PDE6H: variants seen among roughly 807,000 people sequenced by gnomAD.
PDE6H encodes the protein retinal cone rhodopsin-sensitive cGMP 3',5'-cyclic phosphodiesterase subunit gamma.
PDE6H carries 11 observed loss-of-function variants against 9.2 expected under a neutral mutation model. That is an observed-to-expected ratio of 1.19 (90% CI 0.75 to 1.97). The LOEUF (loss-of-function observed/expected upper bound fraction) is 1.97. Ranked by LOEUF, PDE6H falls within the 30% of genes most tolerant of loss-of-function variation. The pLI is 0.00. For missense variants in PDE6H, 98 were observed against 101.5 expected (o/e 0.97, Z 0.15); for synonymous variants, 36 against 33.6 (o/e 1.07, Z -0.25).
At chr12:14,978,827 A>T (rs1008318618) in intron 2 of PDE6H, among the ~76,000 whole-genome samples, 4 of 152,224 alleles carry the variant, frequency 2.6e-5, no homozygotes, top group Non-Finnish European at 2.9e-5. Flanking sequence ...TGAATAAGTA[A>T]ACAAATGGAT....
intron 1 of PDE6H, among the ~76,000 whole-genome samples, chr12:14,973,955 T>G (rs1864554837): frequency 1.3e-5 from 2 of 152,178 alleles, no homozygotes; most frequent in Non-Finnish European, 1.5e-5. Context: ...ATTTTTTGCT[T>G]TATACAAATC....
Position 14,979,175 on chromosome 12 carries a change from A to C in PDE6H, c.135-4A>C. On this transcript the variant is annotated splice_region_variant and splice_polypyrimidine_tract_variant and intron_variant, in intron 2 of 3. Coordinates refer to ENST00000266395, the MANE Select transcript of PDE6H (RefSeq NM_006205.3). ...GCTAATTTCTCCTTTATTCTTTTCC[A>C]TAGATTTGGAGATGACATTCCAGGA... 1 of 1,602,760 alleles carries C rather than the reference A, an allele frequency of 6.2e-7. No individual in the cohort carries two copies. Among genetic ancestry groups the C allele is most frequent in the Non-Finnish European group, 8.5e-7 (1 of 1,169,914 alleles).
chr12:14,975,203 G>T (rs368964005), intron 1 of PDE6H, among the ~76,000 whole-genome samples: 2 of 152,180 alleles, frequency 1.3e-5, no homozygotes, highest in African/African-American at 4.8e-5. Context: ...AACTCAATTG[G>T]ATCTTATTAG....
intron 2 of PDE6H, 103 bp downstream of exon 2, chr12:14,978,249 A>C (rs1864627746): frequency 9.7e-7 from 1 of 1,034,438 alleles, no homozygotes; most frequent in Admixed American, 2.0e-5. Flanking sequence ...CAGACTTACA[A>C]AAATTTCCAC....
intron 1 of PDE6H, among the ~76,000 whole-genome samples, chr12:14,973,693 C>T (rs757738889): frequency 6.6e-6 from 1 of 152,098 alleles, no homozygotes; most frequent in Non-Finnish European, 1.5e-5. Flanking sequence ...TCAGCAGGAC[C>T]CTGGGTGATA....
In PDE6H at chr12:14,981,598, C is replaced by A; in HGVS notation, c.*122C>A. On this transcript the variant is annotated 3_prime_UTR_variant, in exon 4 of 4. Transcript: ENST00000266395. ...AAGTGGTTTCTTTGACTTTCAAGGTCATTCCCTATCAGTTACTACTAAGAG... is the reference window on the plus strand; with the variant it reads ...AAGTGGTTTCTTTGACTTTCAAGGTAATTCCCTATCAGTTACTACTAAGAG... The A allele has an allele frequency of 1.4e-6, 1 of 727,150 alleles. No homozygotes were observed. The highest frequency in any genetic ancestry group is 2.5e-6 in the Non-Finnish European group (1 of 399,288). The allele number at this position is 727,150 out of a possible 1,614,324, so 45.0% of individuals were successfully genotyped here.
intron 1 of PDE6H, among the ~76,000 whole-genome samples, chr12:14,976,223 C>T (rs957815686): frequency 3.3e-5 from 5 of 152,164 alleles, no homozygotes; most frequent in African/African-American, 1.2e-4. Context: ...ACTGGAAGGA[C>T]AGCCTCATGA....
rs1208201429 is a variant in PDE6H at position 14,978,076 on chromosome 12, G to A, written c.64G>A (p.Gly22Ser). The change falls in exon 2 of 4, where the codon GGC becomes AGC. Residue 22 changes from glycine to serine, a missense_variant. By Grantham distance (56) the Gly-to-Ser change is moderately conservative. Transcript: ENST00000266395. ...CCAGGGTCCTACCACCCCACGCAAA[G>A]GCCCTCCCAAGTTCAAGCAGAGGCA... ...SNQGPTTPRK[G>S]PPKFKQRQTR... 6.2e-7 allele frequency: 1 copy of A among 1,613,656 alleles called. No homozygotes were observed. The highest frequency in any genetic ancestry group is 2.2e-5 in the East Asian group (1 of 44,828).
intron 3 of PDE6H, among the ~76,000 whole-genome samples, chr12:14,981,154 C>A (rs377383889): frequency 6.6e-6 from 1 of 152,202 alleles, no homozygotes; most frequent in Non-Finnish European, 1.5e-5. Flanking sequence ...GGGAACCCCC[C>A]AGTCAACAGC....
At chr12:14,978,841 T>A (rs987920329) in intron 2 of PDE6H, among the ~76,000 whole-genome samples, 2 of 152,232 alleles carry the variant, frequency 1.3e-5, no homozygotes, top group Non-Finnish European at 2.9e-5. Context: ...AATGGATGAA[T>A]TCATCATTTT....
intron 1 of PDE6H, among the ~76,000 whole-genome samples, chr12:14,975,826 T>TG (rs1491422609): frequency 3.3e-3 from 105 of 31,442 alleles, no homozygotes; most frequent in Admixed American, 5.3e-3. Flanking sequence ...TTTTTTTTTG[T>TG]TTTTTTTTTT....
chr12:14,981,003 T>C (rs1465317797), intron 3 of PDE6H, among the ~76,000 whole-genome samples: 1 of 152,244 alleles, frequency 6.6e-6, no homozygotes, highest in African/African-American at 2.4e-5. Flanking sequence ...TAGGGAAGAC[T>C]ATGGATACCT....
chr12:14,979,596 C>T (rs542152782), intron 3 of PDE6H, among the ~76,000 whole-genome samples: 1 of 152,252 alleles, frequency 6.6e-6, no homozygotes, highest in South Asian at 2.1e-4. Context: ...TCTGAGGCTA[C>T]CAAGTGAACT....
chr12:14,979,813 CTT>C (rs558094184), intron 3 of PDE6H, among the ~76,000 whole-genome samples: 76 of 152,256 alleles, frequency 5.0e-4, no homozygotes, highest in African/African-American at 1.8e-3. Context: ...AATTAATAGA[CTT>C]TATTTCTTAG....
At chr12:14,976,022 G>A (rs994267923) in intron 1 of PDE6H, among the ~76,000 whole-genome samples, 8 of 152,012 alleles carry the variant, frequency 5.3e-5, no homozygotes, top group Admixed American at 2.0e-4. Flanking sequence ...GGGTTTCACC[G>A]TGTTAGCCAG....
In PDE6H at chr12:14,981,800, T is replaced by C. The variant is rs896779888; in HGVS notation, c.*324T>C. The C allele has an allele frequency of 7.3e-6, 3 of 411,434 alleles. No homozygotes were observed. The highest frequency in any genetic ancestry group is 9.0e-6 in the Non-Finnish European group (2 of 222,012). 25.5% of individuals were successfully genotyped at this position (411,434 alleles called of 1,614,324 possible). A position where few individuals can be genotyped will look rare whatever the true frequency, so the allele number is the denominator to read the frequency against. On this transcript the variant is annotated 3_prime_UTR_variant, in exon 4 of 4. Coordinates refer to ENST00000266395, the MANE Select transcript of PDE6H (RefSeq NM_006205.3). Reference sequence around the variant, plus strand: ...GCATTCATTATGATTAATAGTAGACTTTTAAGACAACATTTATGTCACTCC... The same window carrying C: ...GCATTCATTATGATTAATAGTAGACCTTTAAGACAACATTTATGTCACTCC...
At position 14,978,032 on chromosome 12, in the gene PDE6H, T is replaced by C. The variant is rs1472107184; in HGVS notation, c.20T>C (p.Leu7Pro). The change falls in exon 2 of 4, where the codon CTG (leucine) becomes CCG (proline). Residue 7 changes from leucine (L) to proline (P), a missense_variant. Physicochemically the swap from Leu to Pro is moderately conservative, Grantham distance 98. Transcript: ENST00000266395. The stretch of plus-strand genomic sequence containing the variant: ...GTTAAAATGAGTGACAACACTACTC[T>C]GCCTGCTCCAGCTTCAAACCAGGGT... The part of the protein sequence containing the change: MSDNTT[L>P]PAPASNQGPT... 6.2e-7 allele frequency: 1 copy of C among 1,613,434 alleles called. No homozygotes were observed. Among genetic ancestry groups the C allele is most frequent in the Non-Finnish European group, 8.5e-7 (1 of 1,179,970 alleles).
At chr12:14,974,759 C>T (rs369229240) in intron 1 of PDE6H, among the ~76,000 whole-genome samples, 54 of 152,290 alleles carry the variant, frequency 3.5e-4, no homozygotes, top group Admixed American at 8.5e-4. Context: ...AATTACCCAG[C>T]GAGGGCAGAT....
chr12:14,978,717 C>A (rs1220908026), intron 2 of PDE6H, among the ~76,000 whole-genome samples: 1 of 152,106 alleles, frequency 6.6e-6, no homozygotes, highest in Non-Finnish European at 1.5e-5. Flanking sequence ...TGTATCTATT[C>A]TCCGAGGCTA....
Sources: gnomAD v4.1 joint callset for allele counts (sites outside exome capture counted in the v4.1 genomes callset) on GRCh38, gnomAD v4.1.1 for gene constraint, MANE v1.5 for transcripts, NCBI Gene and HGNC (gene_info 2026-07-23, HGNC 2026-07-21) for gene names.